PHF6: variants seen among roughly 807,000 people sequenced by gnomAD.
PHF6 encodes the protein PHD finger protein 6.
Under a neutral mutation model 34.0 loss-of-function variants are expected in PHF6, and 7 were observed. The ratio of observed to expected loss-of-function variants is 0.21; its 90% CI spans 0.12 to 0.39. PHF6 has a LOEUF of 0.39. Ranked by LOEUF, PHF6 falls within the 10% of genes least tolerant of loss-of-function variation. The pLI is 1.00. For missense variants in PHF6, 128 were observed against 262.8 expected (o/e 0.49, Z 3.55); for synonymous variants, 89 against 88.4 (o/e 1.01, Z -0.04).
At chrX:134,393,837 T>C (rs2077365223) in intron 4 of PHF6, 72 bp from the exon 5 acceptor site, 5 of 1,000,092 alleles carry the variant, frequency 5.0e-6, no homozygotes, top group South Asian at 1.9e-5. Context: ...AGTGTACTGC[T>C]CGTTTTCTTA....
At chrX:134,383,760 T>C (rs1181750870) in intron 3 of PHF6, among the ~76,000 whole-genome samples, 3 of 111,762 alleles carry the variant, frequency 2.7e-5, no homozygotes, top group Admixed American at 9.5e-5. Context: ...AGCTAGTAAG[T>C]GGCAGAGCTG....
intron 5 of PHF6, among the ~76,000 whole-genome samples, chrX:134,411,340 G>A (rs1405377461): frequency 9.0e-6 from 1 of 111,063 alleles, no homozygotes; most frequent in Non-Finnish European, 1.9e-5. Flanking sequence ...TACTATTGAT[G>A]TTAAAGTTGT....
At chrX:134,415,557 C>T (rs1461294117) in intron 8 of PHF6, among the ~76,000 whole-genome samples, 2 of 112,106 alleles carry the variant, frequency 1.8e-5, no homozygotes, top group East Asian at 2.8e-4. Flanking sequence ...ATATAAAATA[C>T]GCCTTAGTCT....
At chrX:134,406,062 T>TTCTTTCTTTCTTTC (rs1556017614) in intron 5 of PHF6, among the ~76,000 whole-genome samples, 5 of 78,074 alleles carry the variant, frequency 6.4e-5, no homozygotes, top group African/African-American at 2.4e-4. Context: ...TCCTTTTTCT[T>TTCTTTCTTTCTTTC]TTTCTTTCTT....
At position 134,425,290 on chromosome X, in the gene PHF6, A is replaced by G. The variant is rs767722044; in HGVS notation, c.1058A>G (p.Asp353Gly). The G allele has an allele frequency of 9.9e-6, 12 of 1,209,711 alleles. No individual in the cohort carries two copies. Among genetic ancestry groups the G allele is most frequent in the Non-Finnish European group, 1.2e-5 (11 of 894,875 alleles). ...ESKSRGKVEI[D>G]QQQLTQQQLN... ...AAAAGCCGAGGAAAAGTAGAAATTG[A>G]TCAGCAACAACTAACTCAGCAGCAA... The change falls in exon 10 of 11, where the codon GAT becomes GGT. Residue 353 changes from aspartate to glycine, a missense_variant. Asp to Gly is a moderately conservative substitution (Grantham distance 94, BLOSUM62 -1). This residue lies in a region of PHF6 where 15 missense variants were observed against 16.2 expected (regional missense o/e 0.93). Coordinates refer to ENST00000370803, the MANE Select transcript of PHF6 (RefSeq NM_001015877.2).
At chrX:134,403,382 A>G (rs1237767044) in intron 5 of PHF6, among the ~76,000 whole-genome samples, 6 of 112,266 alleles carry the variant, frequency 5.3e-5, no homozygotes, top group Non-Finnish European at 1.1e-4. Flanking sequence ...AATCCAGAGC[A>G]AGCCTCTAAT....
At chrX:134,400,664 G>A (rs1328077180) in intron 5 of PHF6, among the ~76,000 whole-genome samples, 3 of 110,745 alleles carry the variant, frequency 2.7e-5, no homozygotes, top group Non-Finnish European at 5.7e-5. Context: ...CCGTTTGAAA[G>A]AATAGCTCTG....
Position 134,428,176 on chromosome X carries a change from T to C in PHF6, c.*2516T>C. On this transcript the variant is annotated 3_prime_UTR_variant, in exon 11 of 11. Coordinates refer to ENST00000370803, the MANE Select transcript of PHF6 (RefSeq NM_001015877.2). The stretch of plus-strand genomic sequence containing the variant: ...TTAAACAGTGTAATCTTTGCAAGCG[T>C]ATATTGAAGATTATTCTGGAGCATT... 1 of 155,139 alleles carries C rather than the reference T, an allele frequency of 6.4e-6. No individual in the cohort carries two copies. The highest frequency in any genetic ancestry group is 1.3e-5 in the Non-Finnish European group (1 of 78,915). 12.8% of individuals were successfully genotyped at this position (155,139 alleles called of 1,213,427 possible).
intron 5 of PHF6, among the ~76,000 whole-genome samples, chrX:134,394,696 C>T (rs766894783): frequency 1.5e-3 from 157 of 106,875 alleles, no homozygotes; most frequent in Admixed American, 2.6e-3. Context: ...CCCGCCACCA[C>T]GCCTGGCTAA....
At chrX:134,400,031 C>T (rs1393152039) in intron 5 of PHF6, among the ~76,000 whole-genome samples, 1 of 111,459 alleles carries the variant, frequency 9.0e-6, no homozygotes, top group East Asian at 2.8e-4. Context: ...TGGAATCATA[C>T]AGTATATAGC....
intron 5 of PHF6, among the ~76,000 whole-genome samples, chrX:134,412,160 A>C (rs1348875365): frequency 8.9e-6 from 1 of 112,435 alleles, no homozygotes; most frequent in East Asian, 2.8e-4. Flanking sequence ...AAACATCTTT[A>C]ATTGACTTCT....
rs1195908972 is a variant in PHF6 at position 134,377,767 on chromosome X, G to A, written c.138+12G>A. ...ACCATAAGTGCATGGTAAGTATACC[G>A]GCAGCAACAGAGACCTTGAAACGAT... is the stretch of plus-strand genomic sequence containing the variant. On this transcript the variant is annotated intron_variant, in intron 2 of 10. Coordinates refer to ENST00000370803, the MANE Select transcript of PHF6 (RefSeq NM_001015877.2). The A allele has an allele frequency of 2.5e-6, 3 of 1,203,978 alleles. No homozygotes were observed. Among genetic ancestry groups the A allele is most frequent in the East Asian group, 3.0e-5 (1 of 33,773 alleles).
chrX:134,376,151 T>C (rs2077277401), intron 1 of PHF6, among the ~76,000 whole-genome samples: 1 of 111,986 alleles, frequency 8.9e-6, no homozygotes, highest in Admixed American at 9.5e-5. Context: ...TCAGGTGAAA[T>C]TTTGATTAAG....
intron 3 of PHF6, among the ~76,000 whole-genome samples, chrX:134,383,352 A>G (rs184130172): frequency 9.0e-6 from 1 of 111,674 alleles, no homozygotes; most frequent in Admixed American, 9.5e-5. Flanking sequence ...CAGAGTTGAG[A>G]AATTCATCCT....
chrX:134,418,426 G>A (rs1415267121), intron 9 of PHF6: 1 of 111,542 alleles, frequency 9.0e-6, no homozygotes, highest in Non-Finnish European at 1.9e-5. Flanking sequence ...TTAATCGACT[G>A]GAGTATAAGT....
intron 7 of PHF6, 68 bp from the exon 8 acceptor site, chrX:134,414,948 G>T: frequency 1.2e-6 from 1 of 860,249 alleles, no homozygotes; most frequent in Admixed American, 2.6e-5. Context: ...TAACACACTT[G>T]TTATCACATT....
At chrX:134,402,333 A>T (rs779189993) in intron 5 of PHF6, among the ~76,000 whole-genome samples, 2 of 112,174 alleles carry the variant, frequency 1.8e-5, no homozygotes, top group Non-Finnish European at 3.8e-5. Context: ...ATATAGGGAG[A>T]TTCTGATGTT....
intron 5 of PHF6, among the ~76,000 whole-genome samples, chrX:134,413,247 C>T (rs766750208): frequency 4.5e-5 from 5 of 111,003 alleles, no homozygotes; most frequent in Non-Finnish European, 9.4e-5. Context: ...TCTTTGAAAC[C>T]TATGGTAAAA....
At chrX:134,404,151 T>C (rs1445922510) in intron 5 of PHF6, among the ~76,000 whole-genome samples, 2 of 112,342 alleles carry the variant, frequency 1.8e-5, no homozygotes, top group Non-Finnish European at 3.8e-5. Context: ...GGCAAGGTAA[T>C]TAAAAACCTT....
Sources: allele counts gnomAD v4.1 joint callset (sites outside exome capture counted in the v4.1 genomes callset), GRCh38; gene constraint gnomAD v4.1.1; regional missense constraint gnomAD v4.1.1; transcripts MANE v1.5; gene names NCBI Gene and HGNC (gene_info 2026-07-23, HGNC 2026-07-21).